The following FLNB variants were observed in gnomAD, a reference collection of about 807,000 sequenced individuals.
FLNB encodes filamin-B.
Under a neutral mutation model 250.6 loss-of-function variants are expected in FLNB, and 111 were observed. The observed-to-expected ratio is 0.44, with a 90% CI of 0.38 to 0.52. The LOEUF (loss-of-function observed/expected upper bound fraction) is 0.52. Among genes scored for constraint, FLNB ranks in the 20% least tolerant of loss-of-function variants. The pLI is 0.00. For synonymous variants in FLNB, 1,302 were observed against 1,372.1 expected (o/e 0.95, Z 1.13); for missense variants, 2,869 against 3,447.8 (o/e 0.83, Z 4.20).
rs369020418 is a variant in FLNB, at chr3:58,154,773, G to C, written c.6635-18G>C. 3 of 1,613,596 alleles carry C rather than the reference G, an allele frequency of 1.9e-6. No individual in the cohort carries two copies. The highest frequency in any genetic ancestry group is 4.5e-5 in the East Asian group (2 of 44,846). ...TCTGTGGGGCTCAGTCACTAACCAG[G>C]TTTCTCTTTGCTCTCAGCTGAGTTC... On this transcript the variant is annotated intron_variant, in intron 39 of 45. Coordinates refer to ENST00000295956, the MANE Select transcript of FLNB (RefSeq NM_001457.4).
chr3:58,143,301 A>G (rs1419740173), intron 31 of FLNB, among the ~76,000 whole-genome samples, 172 bp from the exon 32 acceptor site: 1 of 152,132 alleles, frequency 6.6e-6, no homozygotes, highest in African/African-American at 2.4e-5. Context: ...TGGAAAAAAA[A>G]AAAAGAAAAG....
intron 24 of FLNB, among the ~76,000 whole-genome samples, chr3:58,130,017 G>A (rs950688483): frequency 1.3e-5 from 2 of 152,168 alleles, no homozygotes; most frequent in Non-Finnish European, 2.9e-5. Context: ...AGGGTCCCCC[G>A]GGGGGTCAGC....
At chr3:58,117,948 A>G (rs190666282) in intron 18 of FLNB, among the ~76,000 whole-genome samples, 17 of 152,158 alleles carry the variant, frequency 1.1e-4, no homozygotes, top group South Asian at 4.1e-4. Flanking sequence ...CTTGGGGGGA[A>G]CTCGTCTCTC....
intron 1 of FLNB, among the ~76,000 whole-genome samples, chr3:58,061,880 T>A (rs1193865941): frequency 6.6e-6 from 1 of 151,940 alleles, no homozygotes; most frequent in Non-Finnish European, 1.5e-5. Context: ...TCACCTGAGA[T>A]CAGGAGTTCA....
At chr3:58,092,984 G>C (rs1279736274) in intron 4 of FLNB, among the ~76,000 whole-genome samples, 1 of 152,124 alleles carries the variant, frequency 6.6e-6, no homozygotes, top group Non-Finnish European at 1.5e-5. Flanking sequence ...ACGCCATTAA[G>C]GGCTCGGTCC....
At chr3:58,014,959 C>A (rs1559636598) in intron 1 of FLNB, among the ~76,000 whole-genome samples, 2 of 152,134 alleles carry the variant, frequency 1.3e-5, no homozygotes. Flanking sequence ...GAACTCCCAA[C>A]CTCGTGATCC....
Position 58,148,306 on chromosome 3 carries a change from G to T in FLNB, c.5829G>T (p.Lys1943Asn). 6.2e-7 allele frequency: 1 copy of T among 1,614,114 alleles called. No individual in the cohort carries two copies. Among genetic ancestry groups the T allele is most frequent in the South Asian group, 1.1e-5 (1 of 91,060 alleles). Residue 1943 changes from lysine (K) to asparagine (N), a missense_variant, in exon 35 of 46, where the codon AAG becomes AAT. Coordinates refer to ENST00000295956, the MANE Select transcript of FLNB (RefSeq NM_001457.4). ...TDLSSLTASI[K>N]APSGRDEPCL... is the part of the protein sequence containing the mutation. ...TCAGCAGCCTGACGGCCAGCATTAA[G>T]GCCCCATCTGGCCGAGACGAGCCCT...
chr3:58,112,930 A>G (rs1032397276), intron 18 of FLNB, among the ~76,000 whole-genome samples: 1 of 152,186 alleles, frequency 6.6e-6, no homozygotes, highest in Non-Finnish European at 1.5e-5. Flanking sequence ...CTTACCATCT[A>G]GGCTGGCTTA....
intron 1 of FLNB, among the ~76,000 whole-genome samples, chr3:58,044,308 ATAG>A (rs2097150376): frequency 6.6e-6 from 1 of 152,146 alleles, no homozygotes; most frequent in Non-Finnish European, 1.5e-5. Flanking sequence ...ATGATGATAA[ATAG>A]TATTAGGCCA....
Position 58,153,638 on chromosome 3 carries a change from C to T in FLNB, c.6631C>T (p.Pro2211Ser), listed in dbSNP as rs1447980961. 2 of 1,613,910 alleles carry T rather than the reference C, an allele frequency of 1.2e-6. No homozygotes were observed. Among genetic ancestry groups the T allele is most frequent in the Non-Finnish European group, 1.7e-6 (2 of 1,180,002 alleles). The change falls in exon 39 of 46, where the codon CCA becomes TCA. Residue 2211 changes from proline (P) to serine (S), a missense_variant. By Grantham distance (74) the Pro-to-Ser change is moderately conservative (BLOSUM62 -1). This residue lies in a region of FLNB where 1,084 missense variants were observed against 1,315.5 expected (regional missense o/e 0.82). Transcript: ENST00000295956. ...PGLERGEAGV[P>S]AEFSIWTREA... ...CCTGGAGAGAGGAGAAGCGGGAGTC[C>T]CAGGTGAGCATTGCGGGCAGGATTT...
chr3:58,094,520 C>T (rs192631379), intron 4 of FLNB, among the ~76,000 whole-genome samples: 8 of 152,320 alleles, frequency 5.3e-5, no homozygotes, highest in Admixed American at 1.3e-4. Context: ...AAATAAGCTT[C>T]GCTCCTCCCT....
At chr3:58,133,258 T>G (rs929815240) in intron 26 of FLNB, among the ~76,000 whole-genome samples, 2 of 152,066 alleles carry the variant, frequency 1.3e-5, no homozygotes, top group African/African-American at 4.8e-5. Context: ...ACTCCCCCAG[T>G]TCCTTTCAGA....
At chr3:58,112,014 T>G in intron 17 of FLNB, 133 bp downstream of exon 17, 2 of 1,163,232 alleles carry the variant, frequency 1.7e-6, no homozygotes, top group Non-Finnish European at 2.6e-6. Flanking sequence ...TGTGCAGCTC[T>G]GATGCAGCAG....
intron 14 of FLNB, 36 bp from the exon 15 acceptor site, chr3:58,109,540 A>G (rs943076217): frequency 1.9e-6 from 3 of 1,614,054 alleles, no homozygotes; most frequent in Non-Finnish European, 2.5e-6. Flanking sequence ...GTCCAAGTGG[A>G]GGAGAACTTG....
At chr3:58,067,479 T>C (rs1290217880) in intron 1 of FLNB, among the ~76,000 whole-genome samples, 1 of 152,238 alleles carries the variant, frequency 6.6e-6, no homozygotes, top group Admixed American at 6.5e-5. Context: ...TGGTTTATGT[T>C]TTCTCTTACC....
intron 10 of FLNB, among the ~76,000 whole-genome samples, chr3:58,104,514 T>G (rs1308283762): frequency 1.3e-5 from 2 of 152,248 alleles, no homozygotes; most frequent in Non-Finnish European, 1.5e-5. Context: ...AGCTTTGCCT[T>G]GTGGGCATTG....
intron 1 of FLNB, among the ~76,000 whole-genome samples, chr3:58,017,445 G>A (rs2097107343): frequency 6.6e-6 from 1 of 152,054 alleles, no homozygotes; most frequent in South Asian, 2.1e-4. Flanking sequence ...TAGAGATGAG[G>A]TTTCTCCATG....
Position 58,008,632 on chromosome 3 carries a change from C to T in FLNB, c.68C>T (p.Thr23Ile). The T allele has an allele frequency of 6.2e-7, 1 of 1,613,942 alleles. No individual in the cohort carries two copies. Among genetic ancestry groups the T allele is most frequent in the Non-Finnish European group, 8.5e-7 (1 of 1,179,924 alleles). The change falls in exon 1 of 46, where the codon ACA becomes ATA. Residue 23 changes from threonine (T) to isoleucine (I), a missense_variant. Physicochemically the swap from Thr to Ile is moderately conservative, Grantham distance 89. Coordinates refer to ENST00000295956, the MANE Select transcript of FLNB (RefSeq NM_001457.4). ...AAGAAGATCCAGCAGAACACGTTCA[C>T]ACGCTGGTGCAACGAGCACCTCAAG... ...PWKKIQQNTF[T>I]RWCNEHLKCV...
At chr3:58,153,223 A>G in intron 38 of FLNB, 152 bp from the exon 39 acceptor site, 1 of 888,446 alleles carries the variant, frequency 1.1e-6, no homozygotes, top group African/African-American at 1.6e-5. Flanking sequence ...ACAGAAGGGC[A>G]GGCACCCAGC....
Sources: allele counts gnomAD v4.1 joint callset (sites outside exome capture counted in the v4.1 genomes callset), GRCh38; gene constraint gnomAD v4.1.1; regional missense constraint gnomAD v4.1.1; transcripts MANE v1.5; gene names NCBI Gene and HGNC (gene_info 2026-07-23, HGNC 2026-07-21).